Variants in SGK1 observed in about 807,000 individuals in gnomAD.
SGK1 encodes the protein serine/threonine-protein kinase Sgk1.
SGK1 carries 26 observed loss-of-function variants against 64.2 expected under a neutral mutation model. That is an observed-to-expected ratio of 0.40 (90% confidence interval 0.30 to 0.56). The LOEUF (loss-of-function observed/expected upper bound fraction) is 0.56. SGK1 is among the 20% of genes least tolerant of loss of function. The pLI is 0.38. For synonymous variants in SGK1, 265 were observed against 239.7 expected (o/e 1.11, Z -0.98); for missense variants, 519 against 645.6 (o/e 0.80, Z 2.12).
At chr6:134,251,663 C>T (rs1416227075) in intron 2 of SGK1, among the ~76,000 whole-genome samples, 3 of 152,172 alleles carry the variant, frequency 2.0e-5, no homozygotes, top group Non-Finnish European at 4.4e-5. Context: ...AAATAAAAAT[C>T]AAGTGAGCTA....
At chr6:134,173,923 G>A in intron 5 of SGK1, 82 bp downstream of exon 5, 2 of 904,780 alleles carry the variant, frequency 2.2e-6, no homozygotes, top group Non-Finnish European at 1.7e-6. Context: ...TTCTAGAAAT[G>A]CTATTTTAAT....
At chr6:134,241,765 C>T (rs570605824) in intron 2 of SGK1, among the ~76,000 whole-genome samples, 87 of 152,168 alleles carry the variant, frequency 5.7e-4, no homozygotes, top group African/African-American at 1.9e-3. Context: ...GGACTACAGG[C>T]GCCCGCCACC....
chr6:134,185,922 C>T (rs541691874), intron 3 of SGK1, among the ~76,000 whole-genome samples: 1 of 152,254 alleles, frequency 6.6e-6, no homozygotes, highest in South Asian at 2.1e-4. Context: ...ACCCACGGTT[C>T]TATCTAGGCT....
intron 3 of SGK1, among the ~76,000 whole-genome samples, chr6:134,181,565 G>A (rs755207428): frequency 5.9e-4 from 90 of 152,050 alleles, no homozygotes; most frequent in Middle Eastern, 3.4e-3. Context: ...GACTGGTCTC[G>A]GATTCCTGAC....
chr6:134,171,537 C>T lies in SGK1; in HGVS notation c.1167+100G>A, dbSNP rs952152674. On this transcript the variant is annotated intron_variant, in intron 11 of 13. Transcript: ENST00000367858. ...ATGCCTCTTAGCTGCTTTTGATAAG[C>T]GTACTGGTAAGGGCAAGACACCATG... 64 of 769,784 alleles carry T rather than the reference C, an allele frequency of 8.3e-5. No individual in the cohort carries two copies. The African/African-American group carries it at 9.1e-4, about 11-fold the overall frequency. The allele number at this position is 769,784 out of a possible 1,614,324, so 47.7% of individuals were successfully genotyped here.
At chr6:134,280,065 C>A (rs566572550) in intron 1 of SGK1, among the ~76,000 whole-genome samples, 3 of 152,022 alleles carry the variant, frequency 2.0e-5, no homozygotes, top group East Asian at 3.9e-4. Context: ...AATAGTGATG[C>A]ACACCTGTAG....
intron 3 of SGK1, chr6:134,175,622 C>G (rs761429751): frequency 6.5e-7 from 1 of 1,542,028 alleles, no homozygotes; most frequent in East Asian, 2.5e-5. Flanking sequence ...AGCAGGGACT[C>G]GAGCCGGGCT....
At chr6:134,175,622 C>T (rs761429751) in intron 3 of SGK1, 13 of 1,542,028 alleles carry the variant, frequency 8.4e-6, no homozygotes, top group East Asian at 2.5e-5. Flanking sequence ...AGCAGGGACT[C>T]GAGCCGGGCT....
At position 134,272,507 on chromosome 6, in the gene SGK1, G is replaced by T. The variant is rs117549683; in HGVS notation, c.70-10359C>A. Among the ~76,000 whole-genome samples, 1,161 of 146,228 alleles carry T rather than the reference G, an allele frequency of 7.9e-3. 107 individuals are homozygous for T. The highest frequency in any genetic ancestry group is 0.014 in the Middle Eastern group (4 of 290). ...ACTGTCTCTCTCTCTCTAGGCTACTGTCTCTCAGCATATTAAACACCTTGT... is the reference window on the plus strand; with the variant it reads ...ACTGTCTCTCTCTCTCTAGGCTACTTTCTCTCAGCATATTAAACACCTTGT... On this transcript the variant is annotated intron_variant, in intron 1 of 13. Transcript: ENST00000367858.
At position 134,317,414 on chromosome 6, in the gene SGK1, G is replaced by C; in HGVS notation, c.47C>G (p.Ala16Gly). The C allele has an allele frequency of 1.2e-6, 2 of 1,608,392 alleles. No individual in the cohort carries two copies. The highest frequency in any genetic ancestry group is 1.7e-6 in the Non-Finnish European group (2 of 1,174,748). The change falls in exon 1 of 14, where the codon GCC becomes GGC. Residue 16 changes from alanine (A) to glycine (G), a missense_variant. Transcript: ENST00000367858. The part of the protein sequence containing the change: ...MNGFPVKKCS[A>G]FQFFKKRVRR... ...TACCCGCTTCTTAAAAAATTGGAAG[G>C]CTGAGCATTTCTTGACTGGGAATCC... is the stretch of plus-strand genomic sequence containing the variant.
intron 2 of SGK1, among the ~76,000 whole-genome samples, chr6:134,213,190 G>A (rs1033428358): frequency 1.3e-5 from 2 of 152,106 alleles, no homozygotes; most frequent in African/African-American, 2.4e-5. Flanking sequence ...AACTCCTATA[G>A]CTTTAGGTAC....
chr6:134,211,278 TA>T (rs1775885751), intron 2 of SGK1, among the ~76,000 whole-genome samples: 1 of 152,232 alleles, frequency 6.6e-6, no homozygotes, highest in South Asian at 2.1e-4. Context: ...GTCTATATTT[TA>T]TAAGTGGAAT....
At chr6:134,228,325 A>T (rs76004687) in intron 2 of SGK1, among the ~76,000 whole-genome samples, 3,686 of 152,090 alleles carry the variant, frequency 0.024, 144 homozygotes, top group African/African-American at 0.084. Flanking sequence ...TTTATTATGA[A>T]TTTTTTTGTG....
intron 1 of SGK1, among the ~76,000 whole-genome samples, chr6:134,279,274 A>T (rs1777059954): frequency 6.6e-6 from 1 of 152,066 alleles, no homozygotes; most frequent in Non-Finnish European, 1.5e-5. Flanking sequence ...TTTATTAAAA[A>T]TACAAAAATT....
chr6:134,315,875 A>T (rs895418837), intron 1 of SGK1, among the ~76,000 whole-genome samples: 3 of 152,000 alleles, frequency 2.0e-5, no homozygotes, highest in African/African-American at 7.2e-5. Context: ...CCCCGTCTCT[A>T]AAAAAAAGAA....
At chr6:134,176,965 C>T (rs1004000178) in intron 3 of SGK1, among the ~76,000 whole-genome samples, 1 of 152,236 alleles carries the variant, frequency 6.6e-6, no homozygotes, top group African/African-American at 2.4e-5. Context: ...CCTGTAATCC[C>T]AGCACTTTGG....
chr6:134,217,175 G>A (rs1454720159), intron 2 of SGK1, among the ~76,000 whole-genome samples: 1 of 152,156 alleles, frequency 6.6e-6, no homozygotes. Context: ...GGATGGGTGT[G>A]GAGGGCAGCT....
intron 1 of SGK1, among the ~76,000 whole-genome samples, chr6:134,292,331 GC>G (rs1777279621): frequency 6.6e-6 from 1 of 152,188 alleles, no homozygotes; most frequent in African/African-American, 2.4e-5. Flanking sequence ...GGTGGCTCAT[GC>G]CTGTAATCCC....
chr6:134,291,956 A>C (rs1777271806), intron 1 of SGK1, among the ~76,000 whole-genome samples: 1 of 151,774 alleles, frequency 6.6e-6, no homozygotes, highest in Non-Finnish European at 1.5e-5. Context: ...AATCCCAGCT[A>C]TTCAGGAGGC....
Sources: gnomAD v4.1 joint callset for allele counts (sites outside exome capture counted in the v4.1 genomes callset) on GRCh38, gnomAD v4.1.1 for gene constraint, MANE v1.5 for transcripts, NCBI Gene and HGNC (gene_info 2026-07-23, HGNC 2026-07-21) for gene names.